RGS9: variants seen among roughly 807,000 people sequenced by gnomAD.
The protein encoded by RGS9 is regulator of G protein signaling 9, also known as regulator of G-protein signalling 9.
A neutral mutation model predicts 102.0 loss-of-function variants in RGS9; 78 were observed. The ratio of observed to expected loss-of-function variants is 0.76; its 90% confidence interval spans 0.64 to 0.92. The LOEUF (loss-of-function observed/expected upper bound fraction) is 0.92. Among genes scored for constraint, RGS9 ranks in the 40% least tolerant of loss-of-function variants. The pLI, the probability that RGS9 is intolerant of heterozygous loss-of-function variation, is 0.00. For synonymous variants in RGS9, 353 were observed against 318.6 expected, an observed-to-expected ratio of 1.11 and a Z score of -1.15; for missense variants, 833 against 866.1, an observed-to-expected ratio of 0.96 and a Z score of 0.48.
intron 9 of RGS9, among the ~76,000 whole-genome samples, chr17:65,182,044 A>C (rs1911904629): frequency 6.6e-6 from 1 of 152,180 alleles, no homozygotes; most frequent in Non-Finnish European, 1.5e-5. Flanking sequence ...TAGAGGTGGA[A>C]GGAGGGGTTA....
chr17:65,227,348 G>A lies in RGS9; in HGVS notation c.1966G>A (p.Gly656Arg), dbSNP rs550132535. The A allele has an allele frequency of 6.2e-7, 1 of 1,614,232 alleles. No homozygotes were observed. The highest frequency in any genetic ancestry group is 1.3e-5 in the African/African-American group (1 of 75,056). Residue 656 changes from glycine (G) to arginine (R), a missense_variant, in exon 19 of 19, where the codon GGA (glycine) becomes AGA (arginine). Physicochemically the swap from Gly to Arg is moderately radical, Grantham distance 125. Around this residue, in one of 3 missense-constraint regions of RGS9, gnomAD observed 320 missense variants for 276.8 expected, o/e 1.16. Transcript: ENST00000262406. ...CLMDSEDAGT[G>R]ESGDRATEKE... ...GATGGACTCGGAGGATGCTGGAACA[G>A]GAGAGTCGGGTGACCGGGCCACAGA...
rs143849153 is a variant in RGS9 at position 65,216,465 on chromosome 17, T to C, written c.1407+5860T>C. ...CATCCTGGCTAACCCAGTGAAACCC[T>C]GTCTCTACTAAAAATACAAAAATTA... On this transcript the variant is annotated intron_variant, in intron 17 of 18. Transcript: ENST00000262406. Among the ~76,000 whole-genome samples the C allele has an allele frequency of 8.4e-4, 128 of 152,256 alleles. 1 individual carries two copies. The East Asian group carries it at 0.022, about 26-fold the overall frequency.
At chr17:65,191,286 A>G (rs998428956) in intron 11 of RGS9, among the ~76,000 whole-genome samples, 1 of 152,202 alleles carries the variant, frequency 6.6e-6, no homozygotes, top group Non-Finnish European at 1.5e-5. Flanking sequence ...GATAGTTCTT[A>G]GACCCAGTTT....
chr17:65,218,010 G>A (rs1913574908), intron 17 of RGS9, among the ~76,000 whole-genome samples: 1 of 152,208 alleles, frequency 6.6e-6, no homozygotes, highest in Admixed American at 6.5e-5. Context: ...CTGAAGTGTT[G>A]AACCAAACAA....
intron 8 of RGS9, among the ~76,000 whole-genome samples, chr17:65,174,577 G>A (rs1911549933): frequency 2.0e-5 from 3 of 151,724 alleles, no homozygotes; most frequent in South Asian, 2.1e-4. Flanking sequence ...GAGTGTGAGT[G>A]TGCATATGTA....
intron 1 of RGS9, among the ~76,000 whole-genome samples, chr17:65,152,663 G>A (rs1910623283): frequency 6.6e-6 from 1 of 152,138 alleles, no homozygotes; most frequent in African/African-American, 2.4e-5. Context: ...CCAAGCAGCT[G>A]GGAACTACAG....
intron 14 of RGS9, among the ~76,000 whole-genome samples, chr17:65,203,063 C>G (rs1181231827): frequency 6.6e-6 from 1 of 152,252 alleles, no homozygotes; most frequent in African/African-American, 2.4e-5. Context: ...CCAAACAGCC[C>G]CTTCCCTCTG....
In RGS9 at chr17:65,162,567, A is replaced by T. The variant is rs1372662615; in HGVS notation, c.424-446A>T. On this transcript the variant is annotated intron_variant, in intron 6 of 18. Transcript: ENST00000262406. ...AAGCTCTGCCTCCCAGGTTCATGCC[A>T]TTCTCCTGCCTCAGCCTCCCGAGTT... 4.6e-5 allele frequency among the ~76,000 whole-genome samples: 7 copies of T among 151,724 alleles called. No individual in the cohort carries two copies. In the South Asian group the frequency reaches 8.3e-4, roughly 18 times the overall value.
At chr17:65,143,217 T>C (rs994342823) in intron 1 of RGS9, among the ~76,000 whole-genome samples, 8 of 152,062 alleles carry the variant, frequency 5.3e-5, no homozygotes, top group African/African-American at 1.9e-4. Context: ...CTGCTAAACA[T>C]CCTACAACAC....
chr17:65,152,596 C>T (rs888001303), intron 1 of RGS9, among the ~76,000 whole-genome samples: 1 of 152,154 alleles, frequency 6.6e-6, no homozygotes, highest in Non-Finnish European at 1.5e-5. Flanking sequence ...GTGGTGCGAT[C>T]ATAGCTCACT....
chr17:65,220,287 G>A (rs949811532), intron 17 of RGS9, among the ~76,000 whole-genome samples: 9 of 152,262 alleles, frequency 5.9e-5, no homozygotes, highest in East Asian at 1.9e-4. Flanking sequence ...TTTGCAGTGC[G>A]GTCCTCCAGC....
intron 17 of RGS9, among the ~76,000 whole-genome samples, chr17:65,219,944 G>A (rs113665473): frequency 1.7e-4 from 25 of 145,964 alleles, no homozygotes; most frequent in Non-Finnish European, 3.2e-4. Flanking sequence ...TATCATCACC[G>A]CCATCCTCAC....
At position 65,137,400 on chromosome 17, in the gene RGS9, G is replaced by T. The variant is rs1405638007; in HGVS notation, c.-141G>T. On this transcript the variant is annotated 5_prime_UTR_variant, in exon 1 of 19. Coordinates refer to ENST00000262406, the MANE Select transcript of RGS9 (RefSeq NM_003835.4). ...GCGGCGCCTAGTGAGAGTCAGGGGG[G>T]CCCGGCCCGCGCCCTCCCCGCCCAG... The T allele has an allele frequency of 1.1e-5, 9 of 790,186 alleles. No individual in the cohort carries two copies. The highest frequency in any genetic ancestry group is 1.0e-4 in the African/African-American group (6 of 58,898). The allele number at this position is 790,186 out of a possible 1,614,324, so 48.9% of individuals were successfully genotyped here.
chr17:65,215,516 C>G (rs1598008150), intron 17 of RGS9, among the ~76,000 whole-genome samples: 1 of 137,448 alleles, frequency 7.3e-6, no homozygotes, highest in Admixed American at 7.0e-5. Flanking sequence ...TTCTTTCTTT[C>G]TTTCTTTCTT....
In RGS9 at chr17:65,201,974, TG is replaced by T; in HGVS notation, c.977-17del. The T allele has an allele frequency of 6.4e-7, 1 of 1,562,840 alleles. No individual in the cohort carries two copies. Among genetic ancestry groups the T allele is most frequent in the Non-Finnish European group, 8.8e-7 (1 of 1,133,404 alleles). ...ATTTCCTGCCCGGCCCTCATCCACG[TG>T]GACTTCTCACCATGCAGGAGAGAAT... On this transcript the variant is annotated intron_variant, in intron 13 of 18. Coordinates refer to ENST00000262406, the MANE Select transcript of RGS9 (RefSeq NM_003835.4).
At chr17:65,170,194 A>G (rs914320581) in intron 8 of RGS9, among the ~76,000 whole-genome samples, 1 of 151,846 alleles carries the variant, frequency 6.6e-6, no homozygotes, top group African/African-American at 2.4e-5. Context: ...AGCTAGGATT[A>G]CAGGCATGCA....
At chr17:65,160,173 G>C in intron 3 of RGS9, 60 bp from the exon 4 acceptor site, 1 of 1,339,676 alleles carries the variant, frequency 7.5e-7, no homozygotes, top group Non-Finnish European at 1.1e-6. Flanking sequence ...CGTGGGGGCC[G>C]GCAATGAGCT....
chr17:65,225,722 C>A (rs1905636136), intron 18 of RGS9: 12 of 587,686 alleles, frequency 2.0e-5, no homozygotes, highest in South Asian at 4.0e-5. Flanking sequence ...AAATCTTTTC[C>A]ATTTTTCCAA....
intron 1 of RGS9, among the ~76,000 whole-genome samples, chr17:65,142,182 T>C (rs1314285640): frequency 6.6e-6 from 1 of 152,116 alleles, no homozygotes; most frequent in Admixed American, 6.5e-5. Flanking sequence ...AGGCGGAGGC[T>C]GCAGTGAGCT....
Sources: allele counts gnomAD v4.1 joint callset (sites outside exome capture counted in the v4.1 genomes callset), GRCh38; gene constraint gnomAD v4.1.1; regional missense constraint gnomAD v4.1.1; transcripts MANE v1.5; gene names NCBI Gene and HGNC (gene_info 2026-07-23, HGNC 2026-07-21).